FAAH2: variants seen among roughly 807,000 people sequenced by gnomAD.
The protein encoded by FAAH2 is fatty-acid amide hydrolase 2.
A neutral mutation model predicts 36.9 loss-of-function variants in FAAH2; 60 were observed. The ratio of observed to expected loss-of-function variants is 1.63; its 90% CI spans 1.32 to 2.02. FAAH2 has a LOEUF of 2.02. Among genes scored for constraint, FAAH2 ranks in the 30% most tolerant of loss-of-function variants. The pLI is 0.00. For synonymous variants in FAAH2, 214 were observed against 143.8 expected (o/e 1.49, Z -3.49); for missense variants, 689 against 397.5 (o/e 1.73, Z -6.23).
chrX:57,185,461 CA>C, the FAAH2 span, among the ~76,000 whole-genome samples: 5 of 107,088 alleles, frequency 4.7e-5, no homozygotes, highest in African/African-American at 1.7e-4. Context: ...AGAAGTACCA[CA>C]TTTTTTTCTC....
chrX:57,277,933 C>T, the FAAH2 span, among the ~76,000 whole-genome samples: 1 of 111,752 alleles, frequency 8.9e-6, no homozygotes, highest in Admixed American at 9.5e-5. Context: ...CGGAGCAAAA[C>T]AAATGGAAGA....
chrX:57,178,141 G>T, the FAAH2 span, among the ~76,000 whole-genome samples: 5 of 111,255 alleles, frequency 4.5e-5, no homozygotes, highest in African/African-American at 1.6e-4. Flanking sequence ...GGCCCTGATG[G>T]GGGTGGGAAG....
chrX:57,141,361 A>T, the FAAH2 span, among the ~76,000 whole-genome samples: 5 of 111,983 alleles, frequency 4.5e-5, no homozygotes, highest in African/African-American at 1.6e-4. Context: ...GGATTTTTGC[A>T]TGTATATTTA....
intron 10 of FAAH2, among the ~76,000 whole-genome samples, chrX:57,487,418 C>T (rs188868803): frequency 9.0e-6 from 1 of 111,668 alleles, no homozygotes; most frequent in Non-Finnish European, 1.9e-5. Context: ...ATGAAAAACT[C>T]TTACAACTCA....
chrX:57,378,003 C>T (rs969931764), intron 5 of FAAH2, among the ~76,000 whole-genome samples: 3 of 111,897 alleles, frequency 2.7e-5, no homozygotes, highest in Non-Finnish European at 3.8e-5. Context: ...TGAGACTTTG[C>T]TAAAGTTGCT....
At chrX:57,255,527 T>G in the FAAH2 span, among the ~76,000 whole-genome samples, 1 of 112,038 alleles carries the variant, frequency 8.9e-6, no homozygotes, top group African/African-American at 3.2e-5. Context: ...ACATCCTCAA[T>G]AAAATACTGG....
chrX:57,341,723 A>G (rs1445566537), intron 5 of FAAH2, among the ~76,000 whole-genome samples: 1 of 111,016 alleles, frequency 9.0e-6, no homozygotes, highest in Non-Finnish European at 1.9e-5. Context: ...AGTAAATCAT[A>G]GTGCTAGGAT....
chrX:57,312,671 T>TA (rs1491189043), intron 3 of FAAH2, among the ~76,000 whole-genome samples: 1 of 53,138 alleles, frequency 1.9e-5, no homozygotes, highest in Admixed American at 2.0e-4. Context: ...CAAAACTCCA[T>TA]CAAAAAAAAA....
intron 1 of FAAH2, among the ~76,000 whole-genome samples, chrX:57,287,754 A>G (rs1326682767): frequency 9.0e-6 from 1 of 111,663 alleles, no homozygotes; most frequent in African/African-American, 3.3e-5. Flanking sequence ...GCTACAGTCT[A>G]GTATTGTTTA....
At chrX:57,448,424 C>G in intron 9 of FAAH2, 100 bp from the exon 10 acceptor site, 1 of 779,204 alleles carries the variant, frequency 1.3e-6, no homozygotes, top group Non-Finnish European at 1.8e-6. Context: ...TCTCAGTGTT[C>G]TATAATGAAC....
intron 7 of FAAH2, among the ~76,000 whole-genome samples, chrX:57,382,597 A>G (rs1292933338): frequency 8.9e-6 from 1 of 111,854 alleles, no homozygotes; most frequent in East Asian, 2.8e-4. Flanking sequence ...AAATTCCTGG[A>G]CACATACACC....
chrX:57,385,484 C>A (rs1259816315), intron 7 of FAAH2, among the ~76,000 whole-genome samples: 1 of 111,047 alleles, frequency 9.0e-6, no homozygotes, highest in African/African-American at 3.3e-5. Context: ...CTGGTGAGGG[C>A]CATCTTACTG....
chrX:57,205,585 G>A, the FAAH2 span, among the ~76,000 whole-genome samples: 1 of 112,028 alleles, frequency 8.9e-6, no homozygotes, highest in Non-Finnish European at 1.9e-5. Flanking sequence ...TCAATTACAG[G>A]TACAAGCTCT....
At position 57,464,136 on chromosome X, in the gene FAAH2, C is replaced by A. The variant is rs773801953; in HGVS notation, c.1423+15418C>A. Among the ~76,000 whole-genome samples the A allele has an allele frequency of 1.3e-4, 15 of 111,534 alleles. No homozygotes were observed. The South Asian group carries it at 5.6e-3, about 42-fold the overall frequency. ...TTGGATGAAGCTGGAAACCATAATC[C>A]TCAGCCAACTAACACAGGAACAGAA... On this transcript the variant is annotated intron_variant, in intron 10 of 10. Coordinates refer to ENST00000374900, the MANE Select transcript of FAAH2 (RefSeq NM_174912.4).
the FAAH2 span, among the ~76,000 whole-genome samples, chrX:57,133,470 C>A: frequency 6.3e-5 from 7 of 111,394 alleles, no homozygotes; most frequent in Non-Finnish European, 1.1e-4. Context: ...ATGACTGTGC[C>A]TTTTATTAGA....
At chrX:57,428,756 T>A (rs745815533) in intron 7 of FAAH2, among the ~76,000 whole-genome samples, 44 of 111,914 alleles carry the variant, frequency 3.9e-4, no homozygotes, top group Non-Finnish European at 7.7e-4. Context: ...TATTAAAGGC[T>A]TAAGTGTAAG....
At chrX:57,250,094 A>C in the FAAH2 span, among the ~76,000 whole-genome samples, 3 of 112,277 alleles carry the variant, frequency 2.7e-5, no homozygotes, top group Non-Finnish European at 5.6e-5. Flanking sequence ...GCATTTAAAA[A>C]TTTATTTTGA....
At chrX:57,337,053 A>G (rs2053569497) in intron 4 of FAAH2, among the ~76,000 whole-genome samples, 1 of 110,909 alleles carries the variant, frequency 9.0e-6, no homozygotes, top group African/African-American at 3.3e-5. Context: ...AATCGGAATG[A>G]TAAGGGGTTA....
upstream of FAAH2, among the ~76,000 whole-genome samples, chrX:57,285,544 G>A (rs1400496875): frequency 8.9e-6 from 1 of 112,117 alleles, no homozygotes; most frequent in African/African-American, 3.2e-5. Flanking sequence ...GGTTACAAAA[G>A]AGTGGCATCA....
Sources: allele counts gnomAD v4.1 joint callset (sites outside exome capture counted in the v4.1 genomes callset), GRCh38; gene constraint gnomAD v4.1.1; transcripts MANE v1.5; gene names NCBI Gene and HGNC (gene_info 2026-07-23, HGNC 2026-07-21).